Variants in S100P observed in about 807,000 individuals in gnomAD.
S100P encodes S100 calcium binding protein P, also known as protein S100-P.
S100P carries 7 observed loss-of-function variants against 4.7 expected under a neutral mutation model. The ratio of observed to expected loss-of-function variants is 1.48; its 90% CI spans 0.84 to 2.77. The LOEUF (loss-of-function observed/expected upper bound fraction) is 2.77, where lower values mean the gene tolerates loss of function less well. Ranked by LOEUF, S100P falls within the 30% of genes most tolerant of loss-of-function variation. The pLI, the probability that S100P is intolerant of heterozygous loss-of-function variation, is 0.00. For synonymous variants in S100P, 48 were observed against 49.0 expected (o/e 0.98, Z 0.08); for missense variants, 122 against 120.6 (o/e 1.01, Z -0.06).
intron 1 of S100P, among the ~76,000 whole-genome samples, chr4:6,695,050 G>A (rs556229178): frequency 3.4e-5 from 5 of 149,216 alleles, no homozygotes; most frequent in South Asian, 2.1e-4. Context: ...CTGCAGCCTC[G>A]ACCTCCCTGG....
At position 6,696,933 on chromosome 4, in the gene S100P, A is replaced by C. The variant is rs1389250118; in HGVS notation, c.179A>C (p.Asp60Ala). 1 of 1,614,052 alleles carries C rather than the reference A, an allele frequency of 6.2e-7. No individual in the cohort carries two copies. Among genetic ancestry groups the C allele is most frequent in the Admixed American group, 1.7e-5 (1 of 60,020 alleles). ...GATGCCGTGGATAAATTGCTCAAGG[A>C]CCTGGACGCCAATGGAGATGCCCAG... Reference protein sequence around the residue: ...DKDAVDKLLKDLDANGDAQVD... With the variant: ...DKDAVDKLLKALDANGDAQVD... The change falls in exon 2 of 2, where the codon GAC becomes GCC. Residue 60 changes from aspartate to alanine, a missense_variant. Asp to Ala is a moderately radical substitution (Grantham distance 126). Transcript: ENST00000296370.
In S100P at chr4:6,697,072, G is replaced by A. The variant is rs1714390161; in HGVS notation, c.*30G>A. The A allele has an allele frequency of 1.9e-6, 3 of 1,596,096 alleles. No homozygotes were observed. The highest frequency in any genetic ancestry group is 1.3e-5 in the African/African-American group (1 of 74,578). ...CTGGAGATGTCACAGATTCCTGGCAGAGCCATGGTCCCAGGCTTCCCAAAA... is the reference window on the plus strand; with the variant it reads ...CTGGAGATGTCACAGATTCCTGGCAAAGCCATGGTCCCAGGCTTCCCAAAA... On this transcript the variant is annotated 3_prime_UTR_variant, in exon 2 of 2. Coordinates refer to ENST00000296370, the MANE Select transcript of S100P (RefSeq NM_005980.3).
intron 1 of S100P, among the ~76,000 whole-genome samples, chr4:6,696,296 A>G (rs1401598550): frequency 1.3e-5 from 2 of 152,194 alleles, no homozygotes; most frequent in African/African-American, 4.8e-5. Flanking sequence ...GAGAGGAAGA[A>G]CAGGGCTCAG....
intron 1 of S100P, 110 bp downstream of exon 1, chr4:6,694,180 G>A (rs1294678368): frequency 1.9e-6 from 2 of 1,051,524 alleles, no homozygotes; most frequent in Non-Finnish European, 1.3e-6. Context: ...GGGGCTCAGA[G>A]GCAAGAGGGA....
At chr4:6,696,612 C>T (rs942527016) in intron 1 of S100P, among the ~76,000 whole-genome samples, 5 of 152,258 alleles carry the variant, frequency 3.3e-5, no homozygotes, top group African/African-American at 9.6e-5. Context: ...AGACAACCCC[C>T]GGCAAAAACT....
At chr4:6,695,737 A>T (rs1262336870) in intron 1 of S100P, among the ~76,000 whole-genome samples, 4 of 152,214 alleles carry the variant, frequency 2.6e-5, no homozygotes, top group Non-Finnish European at 1.5e-5. Context: ...TGCCCTTCTC[A>T]GCCCTCCCTC....
At chr4:6,696,040 G>T (rs990447383) in intron 1 of S100P, among the ~76,000 whole-genome samples, 5 of 152,182 alleles carry the variant, frequency 3.3e-5, no homozygotes, top group African/African-American at 1.2e-4. Context: ...AGGTCTTCAT[G>T]CACACAGTTG....
chr4:6,696,791 C>A, intron 1 of S100P, 102 bp from the exon 2 acceptor site: 1 of 781,210 alleles, frequency 1.3e-6, no homozygotes, highest in Non-Finnish European at 1.9e-6. Context: ...AAAGGTGACG[C>A]AGATGTGGGT....
intron 1 of S100P, among the ~76,000 whole-genome samples, chr4:6,694,676 G>A (rs972045044): frequency 2.6e-5 from 4 of 152,174 alleles, no homozygotes; most frequent in African/African-American, 7.2e-5. Flanking sequence ...CCCTCAGGGC[G>A]GCCAGGACCA....
At chr4:6,696,773 C>CTGAA (rs59772164) in intron 1 of S100P, 120 bp from the exon 2 acceptor site, 2 of 858,022 alleles carry the variant, frequency 2.3e-6, no homozygotes, top group South Asian at 1.7e-5. Flanking sequence ...GGCCCTGGCC[C>CTGAA]TGACAGCAAA....
chr4:6,696,464 T>C (rs1245518960), intron 1 of S100P, among the ~76,000 whole-genome samples: 1 of 152,126 alleles, frequency 6.6e-6, no homozygotes, highest in African/African-American at 2.4e-5. Flanking sequence ...GTTGAGGAGT[T>C]CCTGTTTGTG....
rs369372819 is a variant in S100P, at chr4:6,696,876, G to C, written c.139-17G>C. 1 of 1,607,696 alleles carries C rather than the reference G, an allele frequency of 6.2e-7. No homozygotes were observed. Among genetic ancestry groups the C allele is most frequent in the South Asian group, 1.1e-5 (1 of 90,492 alleles). ...CAGGCACCCTCACTGCTGACCTTGA[G>C]CCTCTCTCTCCTCTAGAGTGGAAAA... is the stretch of plus-strand genomic sequence containing the variant. On this transcript the variant is annotated splice_polypyrimidine_tract_variant and intron_variant, in intron 1 of 1. Transcript: ENST00000296370.
intron 1 of S100P, among the ~76,000 whole-genome samples, chr4:6,696,148 C>G (rs1714368266): frequency 6.6e-6 from 1 of 152,216 alleles, no homozygotes; most frequent in African/African-American, 2.4e-5. Flanking sequence ...TCAGCACACC[C>G]TGCTGCTGCT....
chr4:6,696,813 G>A, intron 1 of S100P, 80 bp from the exon 2 acceptor site: 1 of 1,422,988 alleles, frequency 7.0e-7, no homozygotes, highest in Non-Finnish European at 9.6e-7. Context: ...CCCTGCTCCT[G>A]CCCAGCAGCA....
chr4:6,696,665 C>A lies in S100P; in HGVS notation c.139-228C>A, dbSNP rs34209394. ...TCGCAGAGCACAATTCCAATTCGCTCTAAAAACATTACAAGTTAGTTCATG... is the reference window on the plus strand; with the variant it reads ...TCGCAGAGCACAATTCCAATTCGCTATAAAAACATTACAAGTTAGTTCATG... On this transcript the variant is annotated intron_variant, in intron 1 of 1. Transcript: ENST00000296370. 3.9e-5 allele frequency among the ~76,000 whole-genome samples: 6 copies of A among 152,354 alleles called. No homozygotes were observed. The South Asian group carries it at 1.2e-3, about 32-fold the overall frequency.
chr4:6,696,965 T>C lies in S100P; in HGVS notation c.211T>C (p.Phe71Leu), dbSNP rs1291086206. Residue 71 changes from phenylalanine to leucine, a missense_variant, in exon 2 of 2, where the codon TTC becomes CTC. By Grantham distance (22) the Phe-to-Leu change is conservative (BLOSUM62 0). Transcript: ENST00000296370. The part of the protein sequence containing the change: ...LDANGDAQVD[F>L]SEFIVFVAAI... ...CGCCAATGGAGATGCCCAGGTGGACTTCAGTGAGTTCATAGTGTTCGTGGC... is the reference window on the plus strand; with the variant it reads ...CGCCAATGGAGATGCCCAGGTGGACCTCAGTGAGTTCATAGTGTTCGTGGC... The C allele has an allele frequency of 1.2e-6, 2 of 1,613,794 alleles. No homozygotes were observed. The highest frequency in any genetic ancestry group is 1.7e-6 in the Non-Finnish European group (2 of 1,179,666).
In S100P at chr4:6,696,718, C is replaced by T. The variant is rs549875338; in HGVS notation, c.139-175C>T. ...ATGCCAGATAGCTGAAGGCAGCTCA[C>T]AAGTTCTTAAGGCCAGGAATGCCAT... On this transcript the variant is annotated intron_variant, in intron 1 of 1. Coordinates refer to ENST00000296370, the MANE Select transcript of S100P (RefSeq NM_005980.3). 1.1e-4 allele frequency among the ~76,000 whole-genome samples: 17 copies of T among 152,356 alleles called. No individual in the cohort carries two copies. In the East Asian group the frequency reaches 3.3e-3, roughly 29 times the overall value.
intron 1 of S100P, among the ~76,000 whole-genome samples, chr4:6,695,613 G>C (rs961177403): frequency 6.6e-6 from 1 of 152,202 alleles, no homozygotes; most frequent in African/African-American, 2.4e-5. Context: ...CCAAGATACT[G>C]GGGTGTGGGG....
At chr4:6,695,213 GC>G (rs940741597) in intron 1 of S100P, among the ~76,000 whole-genome samples, 2 of 152,144 alleles carry the variant, frequency 1.3e-5, no homozygotes, top group Non-Finnish European at 2.9e-5. Context: ...CAATGCGTCA[GC>G]CTCGACATCT....
Sources: gnomAD v4.1 joint callset for allele counts (sites outside exome capture counted in the v4.1 genomes callset) on GRCh38, gnomAD v4.1.1 for gene constraint, MANE v1.5 for transcripts, NCBI Gene and HGNC (gene_info 2026-07-23, HGNC 2026-07-21) for gene names.